Variants in TBPL2 observed in about 807,000 individuals in gnomAD.
TBPL2 encodes the protein TATA box-binding protein-like 2.
TBPL2 carries 40 observed loss-of-function variants against 38.2 expected under a neutral mutation model. That is an observed-to-expected ratio of 1.05 (90% CI 0.81 to 1.36). The LOEUF (loss-of-function observed/expected upper bound fraction) is 1.36. Ranked by LOEUF, TBPL2 falls within the 40% of genes most tolerant of loss-of-function variation. The probability of loss-of-function intolerance (pLI) is 0.00; values close to 1 mark genes in which losing one functional copy is unlikely to be tolerated. For missense variants in TBPL2, 461 were observed against 456.7 expected, an observed-to-expected ratio of 1.01 and a Z score of -0.09; for synonymous variants, 169 against 171.7, an observed-to-expected ratio of 0.98 and a Z score of 0.12.
At chr14:55,437,500 C>T (rs552787415) in intron 1 of TBPL2, among the ~76,000 whole-genome samples, 2 of 152,300 alleles carry the variant, frequency 1.3e-5, no homozygotes, top group African/African-American at 4.8e-5. Flanking sequence ...ATTACAGTTA[C>T]AGCACACTTA....
chr14:55,415,341 C>T (rs181322562), intron 6 of TBPL2, among the ~76,000 whole-genome samples: 2 of 152,110 alleles, frequency 1.3e-5, no homozygotes, highest in Non-Finnish European at 2.9e-5. Context: ...CTCTTAAGAA[C>T]TATAAAGTAC....
intron 4 of TBPL2, among the ~76,000 whole-genome samples, chr14:55,429,502 G>A (rs1239851344): frequency 2.0e-5 from 3 of 152,156 alleles, no homozygotes; most frequent in African/African-American, 7.2e-5. Flanking sequence ...AGTGGCTCAC[G>A]CCTGTAATCC....
At chr14:55,439,395 C>T (rs1006853881) in intron 1 of TBPL2, among the ~76,000 whole-genome samples, 10 of 152,128 alleles carry the variant, frequency 6.6e-5, no homozygotes, top group African/African-American at 2.2e-4. Flanking sequence ...ATCCATGCTG[C>T]AGGGGACAGG....
chr14:55,421,060 CAAAAAAAA>C (rs71131263), intron 6 of TBPL2, among the ~76,000 whole-genome samples: 1 of 107,590 alleles, frequency 9.3e-6, no homozygotes, highest in Non-Finnish European at 1.8e-5. Context: ...GAATCTGTCT[CAAAAAAAA>C]AAAAAAAAAA....
intron 6 of TBPL2, among the ~76,000 whole-genome samples, chr14:55,422,755 A>AG (rs1885764162): frequency 6.6e-6 from 1 of 152,098 alleles, no homozygotes. Flanking sequence ...CAGGAGGCCG[A>AG]GGCAGGAGAA....
At chr14:55,431,315 G>T (rs535270902) in intron 4 of TBPL2, among the ~76,000 whole-genome samples, 17 of 152,294 alleles carry the variant, frequency 1.1e-4, no homozygotes, top group East Asian at 7.7e-4. Context: ...AATAAATTCA[G>T]ATAAGAAAAG....
rs1002294922 is a variant in TBPL2, at chr14:55,427,074, C to T, written c.956+1733G>A. Among the ~76,000 whole-genome samples the T allele has an allele frequency of 7.2e-5, 11 of 152,242 alleles. 1 individual carries two copies. Among genetic ancestry groups the T allele is most frequent in the Admixed American group, 5.2e-4 (8 of 15,290 alleles). ...TTCAGAGAAAGATAGGCTGGAGGCT[C>T]GTGACTTGAGAGTCTGGAAGATAAG... On this transcript the variant is annotated intron_variant, in intron 5 of 6. Transcript: ENST00000247219.
intron 5 of TBPL2, 84 bp from the exon 6 acceptor site, chr14:55,424,337 G>A: frequency 1.3e-6 from 1 of 784,752 alleles, no homozygotes; most frequent in Non-Finnish European, 2.1e-6. Context: ...ATATTAAAGT[G>A]CATATTAAAG....
chr14:55,438,003 G>C (rs1594795147), intron 1 of TBPL2, among the ~76,000 whole-genome samples: 1 of 152,152 alleles, frequency 6.6e-6, no homozygotes, highest in Non-Finnish European at 1.5e-5. Context: ...GTGCACCTGA[G>C]GAAAGCAACT....
intron 6 of TBPL2, among the ~76,000 whole-genome samples, chr14:55,415,502 C>T (rs143352289): frequency 6.6e-6 from 1 of 152,196 alleles, no homozygotes; most frequent in Non-Finnish European, 1.5e-5. Flanking sequence ...TACGCACTTT[C>T]ATTGCAGCAC....
chr14:55,431,154 T>G (rs1885919242), intron 4 of TBPL2, among the ~76,000 whole-genome samples: 1 of 152,132 alleles, frequency 6.6e-6, no homozygotes, highest in Non-Finnish European at 1.5e-5. Context: ...AGAGAATAGG[T>G]TTGGATAAAA....
intron 2 of TBPL2, 39 bp downstream of exon 2, chr14:55,436,522 T>C (rs1471200737): frequency 2.6e-6 from 4 of 1,541,284 alleles, no homozygotes; most frequent in Non-Finnish European, 3.6e-6. Flanking sequence ...ATAAAATGTG[T>C]ACCCAATGTG....
intron 4 of TBPL2, 150 bp from the exon 5 acceptor site, chr14:55,429,124 T>C (rs542231569): frequency 2.0e-4 from 184 of 929,372 alleles, no homozygotes; most frequent in Non-Finnish European, 2.3e-4. Flanking sequence ...TTACTTCCCA[T>C]ACTTTCGTCC....
chr14:55,417,967 C>T (rs1237393264), intron 6 of TBPL2, among the ~76,000 whole-genome samples: 1 of 152,070 alleles, frequency 6.6e-6, no homozygotes, highest in African/African-American at 2.4e-5. Flanking sequence ...AGTTTTCTTA[C>T]TTGTAAAATA....
rs553705229 is a variant in TBPL2 at position 55,436,302 on chromosome 14, T to C, written c.608+259A>G. Among the ~76,000 whole-genome samples the C allele has an allele frequency of 3.3e-5, 5 of 152,362 alleles. No homozygotes were observed. In the East Asian group the frequency reaches 9.6e-4, roughly 29 times the overall value. ...ATTTTCAGCAACTACAGTGCTGTAG[T>C]ATAAACAATACAATCCTTCAAGAAT... On this transcript the variant is annotated intron_variant, in intron 2 of 6. Transcript: ENST00000247219.
intron 1 of TBPL2, 59 bp downstream of exon 1, chr14:55,440,337 T>C: frequency 6.3e-7 from 1 of 1,598,454 alleles, no homozygotes. Flanking sequence ...GGCAAAGCCC[T>C]TGGCACAGGA....
At chr14:55,416,723 T>C (rs1331355258) in intron 6 of TBPL2, among the ~76,000 whole-genome samples, 5 of 152,168 alleles carry the variant, frequency 3.3e-5, no homozygotes, top group African/African-American at 4.8e-5. Context: ...TTGATGGACT[T>C]TTTGGGCTTC....
intron 3 of TBPL2, among the ~76,000 whole-genome samples, chr14:55,435,101 T>C (rs184142199): frequency 4.1e-4 from 63 of 152,312 alleles, no homozygotes; most frequent in Middle Eastern, 6.8e-3. Context: ...CCCTGAATCT[T>C]ACATTAGTAA....
At chr14:55,428,017 A>T (rs1194479175) in intron 5 of TBPL2, among the ~76,000 whole-genome samples, 2 of 133,880 alleles carry the variant, frequency 1.5e-5, no homozygotes, top group African/African-American at 3.3e-5. Context: ...GCTTTCATAG[A>T]ACGTGCTACA....
Sources: allele counts gnomAD v4.1 joint callset (sites outside exome capture counted in the v4.1 genomes callset), GRCh38; gene constraint gnomAD v4.1.1; transcripts MANE v1.5; gene names NCBI Gene and HGNC (gene_info 2026-07-23, HGNC 2026-07-21).